PRDM10: variants seen among roughly 807,000 people sequenced by gnomAD.
The protein encoded by PRDM10 is PR domain zinc finger protein 10.
In PRDM10, 65 loss-of-function variants were observed where a neutral mutation model predicts 133.1. The observed-to-expected ratio is 0.49, with a 90% CI of 0.40 to 0.60. The LOEUF is 0.60. Ranked by LOEUF, PRDM10 falls within the 20% of genes least tolerant of loss-of-function variation. The pLI is 0.00. For missense variants in PRDM10, 1,137 were observed against 1,507.1 expected, an observed-to-expected ratio of 0.75 and a Z score of 4.07; for synonymous variants, 582 against 580.4, an observed-to-expected ratio of 1.00 and a Z score of -0.04.
intron 1 of PRDM10, among the ~76,000 whole-genome samples, chr11:129,989,250 G>A (rs1311374679): frequency 6.6e-6 from 1 of 151,942 alleles, no homozygotes; most frequent in Non-Finnish European, 1.5e-5. Flanking sequence ...AGGTTGCAGT[G>A]AGCGGTGATC....
At chr11:129,939,294 T>C (rs1951134114) in intron 7 of PRDM10, among the ~76,000 whole-genome samples, 2 of 152,228 alleles carry the variant, frequency 1.3e-5, no homozygotes, top group African/African-American at 4.8e-5. Flanking sequence ...GAATTAATCA[T>C]ATATGATTTT....
intron 3 of PRDM10, among the ~76,000 whole-genome samples, chr11:129,956,298 T>A (rs756862980): frequency 1.3e-4 from 20 of 152,224 alleles, no homozygotes; most frequent in Non-Finnish European, 2.2e-4. Context: ...CTGGGCGCGG[T>A]GACTCACGCC....
intron 9 of PRDM10, among the ~76,000 whole-genome samples, chr11:129,933,958 G>A (rs114519011): frequency 0.036 from 5,401 of 152,140 alleles, 128 homozygotes; most frequent in Admixed American, 0.064. Flanking sequence ...CTTCAGCCAC[G>A]CGAGCATCTC....
At chr11:129,907,472 T>A (rs1321538859) in intron 19 of PRDM10, among the ~76,000 whole-genome samples, 2 of 152,184 alleles carry the variant, frequency 1.3e-5, no homozygotes, top group African/African-American at 4.8e-5. Flanking sequence ...TGCCGCGATC[T>A]CGGCTCACCA....
At chr11:129,935,014 G>T in intron 9 of PRDM10, 87 bp downstream of exon 9, 1 of 1,160,400 alleles carries the variant, frequency 8.6e-7, no homozygotes, top group Non-Finnish European at 1.3e-6. Flanking sequence ...CATGACACTC[G>T]GAGACACTCA....
At chr11:129,981,984 G>A (rs897347019) in intron 1 of PRDM10, among the ~76,000 whole-genome samples, 1 of 152,042 alleles carries the variant, frequency 6.6e-6, no homozygotes, top group Non-Finnish European at 1.5e-5. Context: ...ATGGCCAGGT[G>A]CAGTGGCTCA....
At chr11:129,986,163 T>C (rs539266608) in intron 1 of PRDM10, among the ~76,000 whole-genome samples, 94 of 152,012 alleles carry the variant, frequency 6.2e-4, no homozygotes, top group African/African-American at 2.2e-3. Flanking sequence ...GCAACAAGAA[T>C]GGTTGGAAAT....
At chr11:129,957,030 C>T (rs1951708327) in intron 3 of PRDM10, among the ~76,000 whole-genome samples, 1 of 152,178 alleles carries the variant, frequency 6.6e-6, no homozygotes, top group Admixed American at 6.6e-5. Flanking sequence ...CGCCTTTTGG[C>T]AGTAAACATC....
chr11:129,955,585 C>T lies in PRDM10; in HGVS notation c.235-14G>A, dbSNP rs773656409. 1.8e-5 allele frequency: 29 copies of T among 1,612,352 alleles called. No homozygotes were observed. The highest frequency in any genetic ancestry group is 1.3e-4 in the East Asian group (6 of 44,836). ...TGTAAACAGAGTCTAAACAAACAAA[C>T]GAACAAAAAATTATCAGTAGCTCTT... On this transcript the variant is annotated splice_polypyrimidine_tract_variant and intron_variant, in intron 3 of 20. Transcript: ENST00000360871.
intron 3 of PRDM10, among the ~76,000 whole-genome samples, chr11:129,956,750 G>C (rs1238896350): frequency 6.6e-6 from 1 of 152,198 alleles, no homozygotes; most frequent in Non-Finnish European, 1.5e-5. Flanking sequence ...AGATTTGAAA[G>C]GCACTAATTA....
chr11:129,936,489 C>T (rs1039784783), intron 8 of PRDM10, among the ~76,000 whole-genome samples: 7 of 151,790 alleles, frequency 4.6e-5, no homozygotes, highest in Middle Eastern at 3.4e-3. Flanking sequence ...CTGTCTCTAC[C>T]AAAAATACAA....
chr11:129,915,831 G>C lies in PRDM10; in HGVS notation c.2355C>G (p.Ala785=), dbSNP rs771426432. 1.2e-6 allele frequency: 2 copies of C among 1,614,016 alleles called. No homozygotes were observed. Among genetic ancestry groups the C allele is most frequent in the African/African-American group, 2.7e-5 (2 of 74,926 alleles). Residue 785 remains alanine, a synonymous_variant, in exon 16 of 21, where the codon GCC becomes GCG. Transcript: ENST00000360871. ...KVYKSASKRK[A]HILKNHPGAE... is the part of the protein sequence containing the mutation. ...CTCCTGGGTGGTTCTTCAGAATGTG[G>C]GCTTTGCGCTTGCTGGCACTTTTAT... is the stretch of plus-strand genomic sequence containing the variant.
chr11:129,944,631 C>T, intron 6 of PRDM10, 140 bp downstream of exon 6: 1 of 1,266,234 alleles, frequency 7.9e-7, no homozygotes, highest in Non-Finnish European at 1.1e-6. Context: ...AGTGAGTTTC[C>T]ATTTAACCAA....
At chr11:129,929,550 TGTGTG>T in intron 11 of PRDM10, 1 of 777,610 alleles carries the variant, frequency 1.3e-6, no homozygotes, top group Admixed American at 3.5e-5. Flanking sequence ...CTTTTTAGAA[TGTGTG>T]AGAGAAAAAA....
At chr11:129,976,005 C>T (rs1013206436) in intron 1 of PRDM10, among the ~76,000 whole-genome samples, 6 of 152,152 alleles carry the variant, frequency 3.9e-5, no homozygotes, top group Admixed American at 3.3e-4. Flanking sequence ...ACCTCATCCA[C>T]GCATGGTATC....
rs562337628 is a variant in PRDM10 at position 129,988,043 on chromosome 11, A to G, written c.-119+14679T>C. On this transcript the variant is annotated intron_variant, in intron 1 of 20. Coordinates refer to ENST00000360871, the MANE Select transcript of PRDM10 (RefSeq NM_199437.2). Reference sequence around the variant, plus strand: ...GAAGAACTGGTACATGCTACATACAACATGGATGAACCCTGAAAACATTAT... The same window carrying G: ...GAAGAACTGGTACATGCTACATACAGCATGGATGAACCCTGAAAACATTAT... Among the ~76,000 whole-genome samples, 17 of 152,320 alleles carry G rather than the reference A, an allele frequency of 1.1e-4. 1 individual carries two copies. In the South Asian group the frequency reaches 3.5e-3, roughly 32 times the overall value.
chr11:129,913,384 C>A (rs1950254728), intron 17 of PRDM10, among the ~76,000 whole-genome samples: 1 of 152,122 alleles, frequency 6.6e-6, no homozygotes, highest in African/African-American at 2.4e-5. Context: ...ATATGCTTCT[C>A]ACACATAAGC....
rs1951698796 is a variant in PRDM10 at position 129,956,457 on chromosome 11, G to A, written c.235-886C>T. Among the ~76,000 whole-genome samples, 6 of 152,280 alleles carry A rather than the reference G, an allele frequency of 3.9e-5. No homozygotes were observed. In the South Asian group the frequency reaches 1.0e-3, roughly 26 times the overall value. ...TGGGTGCCTGTAATCCCAGTTGCTT[G>A]GGAGGCTGAGACAGGAGAATCACTT... On this transcript the variant is annotated intron_variant, in intron 3 of 20. Coordinates refer to ENST00000360871, the MANE Select transcript of PRDM10 (RefSeq NM_199437.2).
At chr11:129,948,854 T>C (rs908177284) in intron 4 of PRDM10, among the ~76,000 whole-genome samples, 3 of 152,340 alleles carry the variant, frequency 2.0e-5, no homozygotes, top group South Asian at 4.1e-4. Flanking sequence ...GTTGGCCACG[T>C]TGCTCTACTG....
Sources: allele counts gnomAD v4.1 joint callset (sites outside exome capture counted in the v4.1 genomes callset), GRCh38; gene constraint gnomAD v4.1.1; transcripts MANE v1.5; gene names NCBI Gene and HGNC (gene_info 2026-07-23, HGNC 2026-07-21).